The following ZNF365 variants were observed in gnomAD, a reference collection of about 807,000 sequenced individuals.
The protein encoded by ZNF365 is zinc finger protein 365.
A neutral mutation model predicts 35.0 loss-of-function variants in ZNF365; 22 were observed. The ratio of observed to expected loss-of-function variants is 0.63; its 90% CI spans 0.45 to 0.90. The LOEUF is 0.90. Ranked by LOEUF, ZNF365 falls within the 40% of genes least tolerant of loss-of-function variation. ZNF365 has a pLI of 0.00. For missense variants in ZNF365, 448 were observed against 500.3 expected (o/e 0.90, Z 1.00); for synonymous variants, 188 against 196.2 (o/e 0.96, Z 0.35).
chr10:62,469,436 A>G (rs1445706632), intron 4 of ZNF365, among the ~76,000 whole-genome samples: 4 of 152,238 alleles, frequency 2.6e-5, no homozygotes, highest in Admixed American at 2.6e-4. Context: ...ATGTAAAAAA[A>G]GACTGCACTG....
chr10:62,450,422 T>C (rs1840661880), intron 3 of ZNF365, among the ~76,000 whole-genome samples: 1 of 152,318 alleles, frequency 6.6e-6, no homozygotes, highest in South Asian at 2.1e-4. Context: ...TGAACTGAAC[T>C]GTCAAAGAAG....
intron 4 of ZNF365, among the ~76,000 whole-genome samples, chr10:62,479,037 A>T (rs1841178579): frequency 6.6e-6 from 1 of 152,226 alleles, no homozygotes; most frequent in Admixed American, 6.5e-5. Flanking sequence ...TTTAATTTCT[A>T]GTACCTTGCA....
chr10:62,417,058 A>G (rs975144123), intron 3 of ZNF365, among the ~76,000 whole-genome samples: 9 of 152,088 alleles, frequency 5.9e-5, no homozygotes, highest in African/African-American at 2.2e-4. Context: ...GTATTAAAAT[A>G]TATATTCCTT....
intron 4 of ZNF365, among the ~76,000 whole-genome samples, chr10:62,473,861 C>T (rs1040599537): frequency 2.0e-5 from 3 of 152,096 alleles, no homozygotes; most frequent in African/African-American, 7.2e-5. Flanking sequence ...GTATCAGGGT[C>T]GGTAATTCAG....
intron 3 of ZNF365, among the ~76,000 whole-genome samples, chr10:62,389,926 G>T (rs547896848): frequency 6.6e-6 from 1 of 152,062 alleles, no homozygotes; most frequent in Non-Finnish European, 1.5e-5. Context: ...TTCTGAGGGG[G>T]AAGTCACACC....
Position 62,453,600 on chromosome 10 carries a change from T to C in ZNF365, c.925-6141T>C, listed in dbSNP as rs530363837. On this transcript the variant is annotated intron_variant, in intron 3 of 4. Transcript: ENST00000395255. ...AATAGTGCTTCAATAAATATGTGGGTGTAGGTACTTTTTTTAATATGTTGA... is the reference window on the plus strand; with the variant it reads ...AATAGTGCTTCAATAAATATGTGGGCGTAGGTACTTTTTTTAATATGTTGA... Among the ~76,000 whole-genome samples, 7 of 152,368 alleles carry C rather than the reference T, an allele frequency of 4.6e-5. 1 individual carries two copies. Among genetic ancestry groups the C allele is most frequent in the African/African-American group, 1.7e-4 (7 of 41,588 alleles).
chr10:62,469,384 TA>T (rs1459473417), intron 4 of ZNF365, among the ~76,000 whole-genome samples: 2 of 152,048 alleles, frequency 1.3e-5, no homozygotes, highest in African/African-American at 4.8e-5. Flanking sequence ...TTAATAATCT[TA>T]AAAAAATCTG....
intron 3 of ZNF365, among the ~76,000 whole-genome samples, chr10:62,457,076 C>T (rs530757185): frequency 6.6e-6 from 1 of 152,230 alleles, no homozygotes; most frequent in Admixed American, 6.5e-5. Flanking sequence ...GTAGCTCAGC[C>T]CTGTTCCATA....
At chr10:62,402,634 A>G (rs1839847783), downstream of ZNF365, among the ~76,000 whole-genome samples, 1 of 152,174 alleles carries the variant, frequency 6.6e-6, no homozygotes, top group African/African-American at 2.4e-5. Flanking sequence ...TAATTCCTAT[A>G]TCTAAAAGTT....
At chr10:62,471,345 G>A (rs1314037206) in intron 4 of ZNF365, among the ~76,000 whole-genome samples, 3 of 138,414 alleles carry the variant, frequency 2.2e-5, no homozygotes, top group Non-Finnish European at 4.5e-5. Context: ...CAGCCTGGGC[G>A]ACAGAGCAAG....
Position 62,459,829 on chromosome 10 carries a change from C to T in ZNF365, c.981+32C>T, listed in dbSNP as rs769022969. 9.5e-6 allele frequency: 15 copies of T among 1,587,082 alleles called. No homozygotes were observed. The South Asian group carries it at 1.7e-4, about 18-fold the overall frequency. On this transcript the variant is annotated intron_variant, in intron 4 of 4. Coordinates refer to the ZNF365 transcript ENST00000395255. ...CCACCACCTGGGTGGGTGGGTTGGG[C>T]CTGGTTACAATAACCAGCAGCCCAT...
At chr10:62,458,808 C>T (rs1394169022) in intron 3 of ZNF365, among the ~76,000 whole-genome samples, 1 of 152,102 alleles carries the variant, frequency 6.6e-6, no homozygotes, top group Non-Finnish European at 1.5e-5. Context: ...TACTTAAAAA[C>T]AAGAAAAGAT....
chr10:62,476,881 T>C lies in ZNF365; in HGVS notation c.982-2995T>C, dbSNP rs141965322. The stretch of plus-strand genomic sequence containing the variant: ...ATTTGTACACTGGAACCCATTCATG[T>C]TTCCTGTTCTGTCTTATTAGTGGGC... On this transcript the variant is annotated intron_variant, in intron 4 of 4. Transcript: ENST00000395255. 6.2e-3 allele frequency among the ~76,000 whole-genome samples: 950 copies of C among 152,378 alleles called. 5 individuals are homozygous for C. Among genetic ancestry groups the C allele is most frequent in the Non-Finnish European group, 0.01 (700 of 68,032 alleles).
intron 3 of ZNF365, among the ~76,000 whole-genome samples, chr10:62,441,930 G>A (rs1041713743): frequency 3.3e-5 from 5 of 152,128 alleles, no homozygotes; most frequent in African/African-American, 7.2e-5. Context: ...GGCTTGTCTC[G>A]TTTGCTTCAG....
At chr10:62,376,151 CT>C in intron 1 of ZNF365, 29 bp from the exon 2 acceptor site, 1 of 1,603,736 alleles carries the variant, frequency 6.2e-7, no homozygotes, top group African/African-American at 1.3e-5. Flanking sequence ...TTTCAGCCGA[CT>C]TGTAAACTAC....
chr10:62,409,857 G>C (rs190342895), intron 3 of ZNF365, among the ~76,000 whole-genome samples: 1 of 152,230 alleles, frequency 6.6e-6, no homozygotes, highest in Non-Finnish European at 1.5e-5. Flanking sequence ...GGGTACAGGA[G>C]ATATAGCCTG....
At chr10:62,395,646 T>C (rs957461976) in intron 3 of ZNF365, among the ~76,000 whole-genome samples, 1 of 151,748 alleles carries the variant, frequency 6.6e-6, no homozygotes, top group Non-Finnish European at 1.5e-5. Flanking sequence ...TGTGAGCCAC[T>C]GCACCAGGCC....
Position 62,399,457 on chromosome 10 carries a change from T to C in ZNF365, c.963-71T>C. ...GAGAGATTGTGCCATGAGTAATTAT[T>C]CTTTTAAGGTTTTAAAGAAATCTTT... On this transcript the variant is annotated intron_variant, in intron 4 of 4. Coordinates refer to ENST00000395254, the MANE Select transcript of ZNF365 (RefSeq NM_014951.3). 1.9e-6 allele frequency: 3 copies of C among 1,565,198 alleles called. No individual in the cohort carries two copies. The Admixed American group carries it at 5.6e-5, about 29-fold the overall frequency.
At chr10:62,374,998 A>G (rs1257839458) in intron 1 of ZNF365, among the ~76,000 whole-genome samples, 1 of 152,092 alleles carries the variant, frequency 6.6e-6, no homozygotes, top group East Asian at 1.9e-4. Flanking sequence ...CGGGGGCTTC[A>G]CCTAGAAGCC....
Sources: gnomAD v4.1 joint callset for allele counts (sites outside exome capture counted in the v4.1 genomes callset) on GRCh38, gnomAD v4.1.1 for gene constraint, MANE v1.5 for transcripts, NCBI Gene and HGNC (gene_info 2026-07-23, HGNC 2026-07-21) for gene names.